Variants in RARB observed in about 807,000 individuals in gnomAD.
RARB encodes the protein HBV-activated protein.
A neutral mutation model predicts 51.9 loss-of-function variants in RARB; 17 were observed. That is an observed-to-expected ratio of 0.33 (90% confidence interval 0.22 to 0.49). RARB has a LOEUF of 0.49. Among genes scored for constraint, RARB ranks in the 20% least tolerant of loss-of-function variants. RARB has a pLI of 0.99. For missense variants in RARB, 369 were observed against 550.8 expected, an observed-to-expected ratio of 0.67 and a Z score of 3.30; for synonymous variants, 215 against 195.4, an observed-to-expected ratio of 1.10 and a Z score of -0.84.
chr3:24,900,137 T>C (rs1157192177), intron 2 of RARB, among the ~76,000 whole-genome samples: 1 of 152,240 alleles, frequency 6.6e-6, no homozygotes, highest in African/African-American at 2.4e-5. Context: ...TTTGAATGTT[T>C]TTCTTATTAA....
chr3:25,495,780 C>T (rs1273721100), intron 2 of RARB, among the ~76,000 whole-genome samples: 5 of 152,178 alleles, frequency 3.3e-5, no homozygotes, highest in African/African-American at 1.2e-4. Context: ...CTATCATAAA[C>T]AACAGAAGTC....
rs755388268 is a variant in RARB at position 25,105,422 on chromosome 3, C to CAA, written c.-327-26722_-327-26721dup. ...GACAGCTGTTTAGTGTATACATGTG[C>CAA]AAAAAAAAAAAAAAAAAAGAAGATT... On this transcript the variant is annotated intron_variant, in intron 3 of 11. Transcript: ENST00000383772. Among the ~76,000 whole-genome samples the CAA allele has an allele frequency of 4.4e-4, 23 of 52,054 alleles. No homozygotes were observed. The East Asian group carries it at 6.5e-3, about 15-fold the overall frequency. 34.1% of individuals were successfully genotyped at this position (52,054 alleles called of 152,430 possible). A position where few individuals can be genotyped will look rare whatever the true frequency, so the allele number is the denominator to read the frequency against.
intron 2 of RARB, among the ~76,000 whole-genome samples, chr3:24,989,437 G>A (rs1696864869): frequency 2.4e-5 from 1 of 41,842 alleles, no homozygotes; most frequent in Non-Finnish European, 4.5e-5. Context: ...TTGTAATATC[G>A]ATTTTCACTC....
At chr3:24,949,584 G>A (rs761189611) in intron 2 of RARB, among the ~76,000 whole-genome samples, 11 of 152,124 alleles carry the variant, frequency 7.2e-5, no homozygotes, top group Non-Finnish European at 1.5e-4. Flanking sequence ...AAATTTTGAG[G>A]CGAGAATATG....
chr3:25,477,832 T>C (rs1696033067), intron 2 of RARB, among the ~76,000 whole-genome samples: 1 of 152,216 alleles, frequency 6.6e-6, no homozygotes, highest in Non-Finnish European at 1.5e-5. Flanking sequence ...CATGAATTTA[T>C]GTAAGCATAG....
chr3:24,854,731 G>C (rs2125338003), intron 1 of RARB, among the ~76,000 whole-genome samples: 1 of 152,232 alleles, frequency 6.6e-6, no homozygotes, highest in East Asian at 1.9e-4. Flanking sequence ...TAGCATTCCT[G>C]GCCCCTATTC....
chr3:24,948,343 C>T (rs1466338796), intron 2 of RARB, among the ~76,000 whole-genome samples: 2 of 152,156 alleles, frequency 1.3e-5, no homozygotes, highest in Non-Finnish European at 2.9e-5. Flanking sequence ...AGTTCTAGAA[C>T]CTCCATTTCC....
intron 1 of RARB, among the ~76,000 whole-genome samples, chr3:25,440,628 G>T (rs1038087054): frequency 6.6e-6 from 1 of 151,794 alleles, no homozygotes; most frequent in Non-Finnish European, 1.5e-5. Context: ...ACAATTAGCT[G>T]GGCGTGGTGG....
chr3:24,957,019 T>G (rs1696031387), intron 2 of RARB, among the ~76,000 whole-genome samples: 1 of 152,166 alleles, frequency 6.6e-6, no homozygotes. Flanking sequence ...TCCTCTGTAT[T>G]TCGTACCAAT....
At chr3:25,391,194 A>G (rs369190164) in intron 5 of RARB, among the ~76,000 whole-genome samples, 3 of 151,884 alleles carry the variant, frequency 2.0e-5, no homozygotes, top group East Asian at 3.9e-4. Flanking sequence ...ATGGTCTCAA[A>G]CTCCATCCAG....
intron 5 of RARB, among the ~76,000 whole-genome samples, chr3:25,191,415 A>G (rs1559498898): frequency 6.6e-6 from 1 of 152,058 alleles, no homozygotes; most frequent in Admixed American, 6.6e-5. Context: ...TATCCCTCCC[A>G]TGAAATTGTC....
At chr3:25,423,356 T>C (rs1707909224), upstream of RARB, among the ~76,000 whole-genome samples, 1 of 152,230 alleles carries the variant, frequency 6.6e-6, no homozygotes, top group Non-Finnish European at 1.5e-5. Flanking sequence ...ATGCAGTGCA[T>C]TGATGTACAG....
At chr3:25,254,103 TAAGAG>T (rs1702798444) in intron 5 of RARB, among the ~76,000 whole-genome samples, 2 of 152,320 alleles carry the variant, frequency 1.3e-5, no homozygotes, top group South Asian at 4.1e-4. Context: ...CCAATCTGTC[TAAGAG>T]AAGAGTTGAA....
chr3:25,215,337 T>G (rs1336631969), intron 5 of RARB, among the ~76,000 whole-genome samples: 10 of 152,188 alleles, frequency 6.6e-5, no homozygotes, highest in Admixed American at 5.9e-4. Flanking sequence ...ATAGAAGTGT[T>G]TGTGGGAAAG....
intron 2 of RARB, among the ~76,000 whole-genome samples, chr3:24,968,059 G>T (rs1049215415): frequency 1.3e-5 from 2 of 152,116 alleles, no homozygotes; most frequent in African/African-American, 4.8e-5. Flanking sequence ...TGGTTTGGTT[G>T]TTTTCCTAGC....
At chr3:25,267,832 C>T (rs998785131) in intron 5 of RARB, among the ~76,000 whole-genome samples, 5 of 152,098 alleles carry the variant, frequency 3.3e-5, no homozygotes, top group Non-Finnish European at 5.9e-5. Context: ...ATGATAATGT[C>T]ACAGAATTAA....
intron 5 of RARB, among the ~76,000 whole-genome samples, chr3:25,307,132 C>G (rs1401352504): frequency 6.6e-6 from 1 of 152,108 alleles, no homozygotes; most frequent in South Asian, 2.1e-4. Context: ...TGCCTGTGAT[C>G]CCTCAGGATG....
chr3:25,359,236 C>A (rs1179889925), intron 5 of RARB, among the ~76,000 whole-genome samples: 1 of 152,012 alleles, frequency 6.6e-6, no homozygotes, highest in Non-Finnish European at 1.5e-5. Context: ...AGAATTTATC[C>A]ATTTCTTGTA....
chr3:25,112,952 T>A (rs1699627718), intron 3 of RARB, among the ~76,000 whole-genome samples: 1 of 152,190 alleles, frequency 6.6e-6, no homozygotes, highest in South Asian at 2.1e-4. Flanking sequence ...TTTTCGGGTA[T>A]TTTTATTTAG....
Sources: gnomAD v4.1 joint callset for allele counts (sites outside exome capture counted in the v4.1 genomes callset) on GRCh38, gnomAD v4.1.1 for gene constraint, MANE v1.5 for transcripts, NCBI Gene and HGNC (gene_info 2026-07-23, HGNC 2026-07-21) for gene names.